UBE3C: variants seen among roughly 807,000 people sequenced by gnomAD.
The protein encoded by UBE3C is ubiquitin-protein ligase E3C.
In UBE3C, 42 loss-of-function variants were observed where a neutral mutation model predicts 129.4. That is an observed-to-expected ratio of 0.32 (90% CI 0.25 to 0.42). UBE3C has a LOEUF of 0.42. UBE3C is among the 10% of genes least tolerant of loss of function. The probability of loss-of-function intolerance (pLI) is 1.00; values close to 1 mark genes in which losing one functional copy is unlikely to be tolerated. For synonymous variants in UBE3C, 510 were observed against 492.4 expected (o/e 1.04, Z -0.47); for missense variants, 1,049 against 1,319.1 (o/e 0.80, Z 3.17).
At chr7:157,180,721 A>G (rs1247788584) in intron 6 of UBE3C, among the ~76,000 whole-genome samples, 2 of 152,238 alleles carry the variant, frequency 1.3e-5, no homozygotes, top group Non-Finnish European at 2.9e-5. Flanking sequence ...CCTCCCACCC[A>G]GAGTTCCTAT....
chr7:157,171,230 A>G (rs62491950), intron 4 of UBE3C, among the ~76,000 whole-genome samples: 15,024 of 152,114 alleles, frequency 0.099, 835 homozygotes, highest in African/African-American at 0.13. Context: ...GGCTCAAGCA[A>G]TCGGTGGTGT....
chr7:157,211,291 G>T lies in UBE3C; in HGVS notation c.1809+3356G>T, dbSNP rs373633261. On this transcript the variant is annotated intron_variant, in intron 13 of 22. Transcript: ENST00000348165. ...TAAAAAGTAATAAAGCAACAGCAGT[G>T]CCCTGTTAATATAATCCTAACATGC... Among the ~76,000 whole-genome samples the T allele has an allele frequency of 1.8e-4, 27 of 152,142 alleles. No homozygotes were observed. In the South Asian group the frequency reaches 5.6e-3, roughly 32 times the overall value.
At chr7:157,232,465 T>C (rs1022944002) in intron 18 of UBE3C, among the ~76,000 whole-genome samples, 1 of 152,184 alleles carries the variant, frequency 6.6e-6, no homozygotes, top group African/African-American at 2.4e-5. Flanking sequence ...TTCAAGGGAT[T>C]GTCCTGCATC....
intron 3 of UBE3C, among the ~76,000 whole-genome samples, chr7:157,169,557 G>A (rs1808309679): frequency 6.6e-6 from 1 of 152,038 alleles, no homozygotes; most frequent in African/African-American, 2.4e-5. Flanking sequence ...TGTATTGTTA[G>A]TAGAGTCGGT....
At chr7:157,161,028 A>G (rs1407511506) in intron 1 of UBE3C, among the ~76,000 whole-genome samples, 2 of 152,212 alleles carry the variant, frequency 1.3e-5, no homozygotes, top group African/African-American at 4.8e-5. Context: ...AGATGAAGAT[A>G]AGAACTCTAT....
rs755083822 is a variant in UBE3C at position 157,183,972 on chromosome 7, C to T, written c.1086C>T (p.His362=). ...TCTCTCCTGCCAGCGCGAGCTGTCACGACTCAGCCAGTGACTCTGAGGAGG... is the reference window on the plus strand; with the variant it reads ...TCTCTCCTGCCAGCGCGAGCTGTCATGACTCAGCCAGTGACTCTGAGGAGG... ...LPVSPASASC[H]DSASDSEEES... The change falls in exon 9 of 23, where the codon CAC becomes CAT. Residue 362 remains histidine (H), a synonymous_variant. Transcript: ENST00000348165. 5.0e-5 allele frequency: 81 copies of T among 1,614,064 alleles called. No individual in the cohort carries two copies. The highest frequency in any genetic ancestry group is 6.4e-5 in the Non-Finnish European group (75 of 1,180,054).
At chr7:157,163,150 C>T (rs548538054) in intron 1 of UBE3C, among the ~76,000 whole-genome samples, 39 of 152,058 alleles carry the variant, frequency 2.6e-4, no homozygotes, top group Middle Eastern at 3.4e-3. Context: ...CTTTGGGAGG[C>T]CGAGGCGGGT....
chr7:157,197,829 G>C, intron 10 of UBE3C: 2 of 1,612,806 alleles, frequency 1.2e-6, no homozygotes, highest in South Asian at 1.1e-5. Context: ...AATTTTTGTT[G>C]TTGGCACTGA....
chr7:157,235,707 A>G (rs770539973), intron 18 of UBE3C, among the ~76,000 whole-genome samples: 11 of 152,370 alleles, frequency 7.2e-5, no homozygotes, highest in East Asian at 1.9e-4. Flanking sequence ...GTTTAGACCA[A>G]TAACAAAACT....
chr7:157,186,062 T>G (rs1808796675), intron 9 of UBE3C, among the ~76,000 whole-genome samples: 1 of 152,146 alleles, frequency 6.6e-6, no homozygotes, highest in Non-Finnish European at 1.5e-5. Flanking sequence ...TTGGGTTATA[T>G]TCAGTGAATC....
At chr7:157,227,433 T>C (rs540785318) in intron 17 of UBE3C, among the ~76,000 whole-genome samples, 31 of 152,190 alleles carry the variant, frequency 2.0e-4, no homozygotes, top group African/African-American at 7.2e-4. Flanking sequence ...GCGCAGTGGC[T>C]CACGCCTGTA....
At chr7:157,264,051 G>A (rs1047658482) in intron 22 of UBE3C, among the ~76,000 whole-genome samples, 3 of 152,030 alleles carry the variant, frequency 2.0e-5, no homozygotes, top group African/African-American at 7.3e-5. Flanking sequence ...TACTACAGGT[G>A]TGAGCCAACA....
chr7:157,216,671 T>A (rs1795582857), intron 13 of UBE3C, among the ~76,000 whole-genome samples, 196 bp from the exon 14 acceptor site: 1 of 152,210 alleles, frequency 6.6e-6, no homozygotes, highest in South Asian at 2.1e-4. Context: ...CTGCACATAT[T>A]TGTTGGCAGA....
intron 10 of UBE3C, chr7:157,197,723 A>G (rs1309022849): frequency 6.2e-7 from 1 of 1,610,376 alleles, no homozygotes; most frequent in African/African-American, 1.3e-5. Context: ...CTGCAAATTC[A>G]GGACAAGACT....
At chr7:157,220,202 C>T (rs182568737) in intron 14 of UBE3C, among the ~76,000 whole-genome samples, 3 of 151,740 alleles carry the variant, frequency 2.0e-5, no homozygotes, top group Admixed American at 2.0e-4. Context: ...CAGAGTGAGA[C>T]CGTGTATCAA....
intron 19 of UBE3C, among the ~76,000 whole-genome samples, chr7:157,253,054 A>G (rs1396730314): frequency 6.6e-6 from 1 of 152,138 alleles, no homozygotes; most frequent in East Asian, 1.9e-4. Context: ...TTTCTTAATA[A>G]ATACTTTTTA....
Position 157,207,375 on chromosome 7 carries a change from TTTC to T in UBE3C, c.1419-17_1419-15del. The T allele has an allele frequency of 3.1e-6, 5 of 1,590,730 alleles. No individual in the cohort carries two copies. The highest frequency in any genetic ancestry group is 2.2e-5 in the East Asian group (1 of 44,718). On this transcript the variant is annotated intron_variant, in intron 11 of 22. Transcript: ENST00000348165. Reference sequence around the variant, plus strand: ...GACTAATTTTAAAGTGACTGGTTTTTTTCTTCTTTTCTTTAATTCAAGGTCTAT... The same window carrying T: ...GACTAATTTTAAAGTGACTGGTTTTTTTCTTTTCTTTAATTCAAGGTCTAT...
At position 157,267,699 on chromosome 7, in the gene UBE3C, T is replaced by C. The variant is rs772787099; in HGVS notation, c.3196T>C (p.Leu1066=). 48 of 1,613,330 alleles carry C rather than the reference T, an allele frequency of 3.0e-5. No homozygotes were observed. Among genetic ancestry groups the C allele is most frequent in the Admixed American group, 5.0e-5 (3 of 59,772 alleles). The change falls in exon 23 of 23, where the codon TTG becomes CTG. Residue 1066 remains leucine (L), a synonymous_variant. Transcript: ENST00000348165. The part of the protein sequence containing the change: ...KLPEFYDETL[L]RSKLLYAIEC... ...CCCCGAGTTCTATGACGAGACACTT[T>C]TGCGAAGTAAACTTCTCTATGCGAT...
intron 1 of UBE3C, among the ~76,000 whole-genome samples, chr7:157,152,964 G>A (rs892314048): frequency 3.3e-5 from 5 of 152,200 alleles, no homozygotes; most frequent in Non-Finnish European, 7.3e-5. Flanking sequence ...GGGAGGCTGA[G>A]GGGGGTGGAT....
Sources: gnomAD v4.1 joint callset for allele counts (sites outside exome capture counted in the v4.1 genomes callset) on GRCh38, gnomAD v4.1.1 for gene constraint, MANE v1.5 for transcripts, NCBI Gene and HGNC (gene_info 2026-07-23, HGNC 2026-07-21) for gene names.